GNB5: variants seen among roughly 807,000 people sequenced by gnomAD.
The protein encoded by GNB5 is G protein subunit beta 5.
A neutral mutation model predicts 55.3 loss-of-function variants in GNB5; 37 were observed. The ratio of observed to expected loss-of-function variants is 0.67; its 90% CI spans 0.51 to 0.88. GNB5 has a LOEUF of 0.88. GNB5 is among the 40% of genes least tolerant of loss of function. The pLI is 0.00. For synonymous variants in GNB5, 219 were observed against 198.5 expected, an observed-to-expected ratio of 1.10 and a Z score of -0.87; for missense variants, 476 against 515.3, an observed-to-expected ratio of 0.92 and a Z score of 0.74.
At chr15:52,137,536 C>G (rs754059708) in intron 7 of GNB5, 32 of 1,022,030 alleles carry the variant, frequency 3.1e-5, no homozygotes, top group Non-Finnish European at 3.6e-5. Flanking sequence ...TTAGGAAACT[C>G]TGGCAGAGGC....
intron 3 of GNB5, among the ~76,000 whole-genome samples, chr15:52,175,572 C>T (rs1490844798): frequency 1.3e-5 from 2 of 151,770 alleles, no homozygotes; most frequent in South Asian, 2.1e-4. Flanking sequence ...AACCCGGTCT[C>T]CACTAAAAAT....
chr15:52,131,853 C>T (rs777621912), intron 9 of GNB5, among the ~76,000 whole-genome samples: 4 of 152,230 alleles, frequency 2.6e-5, no homozygotes, highest in African/African-American at 4.8e-5. Flanking sequence ...ACAGTACCAT[C>T]TTTCATACGT....
chr15:52,143,182 A>G lies in GNB5; in HGVS notation c.495-1910T>C, dbSNP rs116240635. Among the ~76,000 whole-genome samples, 1,222 of 151,394 alleles carry G rather than the reference A, an allele frequency of 8.1e-3. 13 individuals are homozygous for G. Among genetic ancestry groups the G allele is most frequent in the African/African-American group, 0.028 (1,164 of 41,354 alleles). Reference sequence around the variant, plus strand: ...AAAAAAAGAGAAAAAAAAAAAACAGAATGTGTAGAGAATGATTTGCACTTA... The same window carrying G: ...AAAAAAAGAGAAAAAAAAAAAACAGGATGTGTAGAGAATGATTTGCACTTA... On this transcript the variant is annotated intron_variant, in intron 6 of 12. Transcript: ENST00000261837.
intron 3 of GNB5, among the ~76,000 whole-genome samples, chr15:52,157,185 C>G (rs2141218380): frequency 6.6e-6 from 1 of 151,740 alleles, no homozygotes; most frequent in Non-Finnish European, 1.5e-5. Flanking sequence ...ATCCGCCAGC[C>G]TCGGCCTCCC....
chr15:52,122,877 T>A, intron 12 of GNB5, 109 bp from the exon 13 acceptor site: 2 of 799,736 alleles, frequency 2.5e-6, no homozygotes, highest in Non-Finnish European at 4.4e-6. Context: ...TGGGCATACA[T>A]ATATGTGTGT....
rs183623126 is a variant in GNB5, at chr15:52,157,082, C to A, written c.239-3006G>T. 6.0e-3 allele frequency among the ~76,000 whole-genome samples: 902 copies of A among 149,934 alleles called. 10 individuals are homozygous for A. The highest frequency in any genetic ancestry group is 0.021 in the African/African-American group (863 of 40,704). On this transcript the variant is annotated intron_variant, in intron 3 of 12. Transcript: ENST00000261837. ...TCCCAAGTAGCTAGGACTACAGGCG[C>A]CCGCCACCACTCCTGGCTAATTTTT...
intron 3 of GNB5, among the ~76,000 whole-genome samples, chr15:52,154,749 T>C (rs922197013): frequency 1.3e-5 from 2 of 152,234 alleles, no homozygotes; most frequent in African/African-American, 4.8e-5. Flanking sequence ...CCAAGCAAGC[T>C]GTCTGCAAAC....
At chr15:52,169,135 C>A (rs1266625508) in intron 3 of GNB5, among the ~76,000 whole-genome samples, 1 of 152,108 alleles carries the variant, frequency 6.6e-6, no homozygotes, top group Non-Finnish European at 1.5e-5. Context: ...ACCAGCCTGG[C>A]CAACATGGTG....
At chr15:52,174,756 G>A (rs1425299592) in intron 3 of GNB5, among the ~76,000 whole-genome samples, 1 of 152,086 alleles carries the variant, frequency 6.6e-6, no homozygotes, top group Non-Finnish European at 1.5e-5. Context: ...AGGGCCGCAG[G>A]GTCTCCTGGG....
At chr15:52,167,581 G>C (rs967352604) in intron 3 of GNB5, among the ~76,000 whole-genome samples, 18 of 151,934 alleles carry the variant, frequency 1.2e-4, no homozygotes, top group African/African-American at 4.4e-4. Flanking sequence ...TGAGGCAGGA[G>C]AATCGCCTGA....
At chr15:52,182,232 CAT>C (rs1476722773) in intron 2 of GNB5, among the ~76,000 whole-genome samples, 2 of 152,198 alleles carry the variant, frequency 1.3e-5, no homozygotes, top group Non-Finnish European at 2.9e-5. Context: ...GAGCAGTTCA[CAT>C]GAGGTAATTT....
intron 9 of GNB5, among the ~76,000 whole-genome samples, chr15:52,130,250 C>A (rs1321452156): frequency 6.6e-6 from 1 of 152,152 alleles, no homozygotes; most frequent in African/African-American, 2.4e-5. Context: ...AGTGTATAAC[C>A]AAGGGCATGC....
At chr15:52,147,361 C>T (rs1200384059) in intron 6 of GNB5, 98 bp downstream of exon 6, 1 of 787,818 alleles carries the variant, frequency 1.3e-6, no homozygotes, top group Non-Finnish European at 2.3e-6. Context: ...AACAATTAAA[C>T]AACAAAAACT....
chr15:52,131,780 CTAAGTA>C (rs1421812609), intron 9 of GNB5, among the ~76,000 whole-genome samples: 1 of 152,150 alleles, frequency 6.6e-6, no homozygotes, highest in African/African-American at 2.4e-5. Context: ...TGTTTTCCCA[CTAAGTA>C]TAATGAAGAT....
In GNB5 at chr15:52,185,755, TA is replaced by T. The variant is rs1208511724; in HGVS notation, c.-18-1062del. 5.1e-3 allele frequency among the ~76,000 whole-genome samples: 491 copies of T among 95,960 alleles called. 3 individuals carry two copies. The highest frequency in any genetic ancestry group is 0.027 in the African/African-American group (459 of 17,044). 63.0% of individuals were successfully genotyped at this position (95,960 alleles called of 152,430 possible). A position where few individuals can be genotyped will look rare whatever the true frequency, so the allele number is the denominator to read the frequency against. ...ACTTTGAGCTGTGTATTCATCTTTT[TA>T]TTATTATTATTATTATTATTATTAT... On this transcript the variant is annotated intron_variant, in intron 1 of 12. Coordinates refer to ENST00000261837, the MANE Select transcript of GNB5 (RefSeq NM_016194.4).
intron 3 of GNB5, among the ~76,000 whole-genome samples, chr15:52,160,271 A>C (rs2034303220): frequency 6.6e-6 from 1 of 152,180 alleles, no homozygotes; most frequent in Non-Finnish European, 1.5e-5. Context: ...CTTAATGTCT[A>C]CTTTAGTCGC....
Position 52,117,102 on chromosome 15 carries a change from A to ATATATATATATATATATATATATATTT in GNB5, c.*5654_*5655insAAATATATATATATATATATATATATA. On this transcript the variant is annotated 3_prime_UTR_variant, in exon 13 of 13. Transcript: ENST00000261837. ...CCACGCCCAGCTAATATATATATAT[A>ATATATATATATATATATATATATATTT]TTTTTTTTTAGTACAGACAGGGTTT... 1.1e-5 allele frequency: 1 copy of ATATATATATATATATATATATATATTT among 87,100 alleles called. No individual in the cohort carries two copies. The highest frequency in any genetic ancestry group is 1.2e-4 in the Admixed American group (1 of 8,100). 5.4% of individuals were successfully genotyped at this position (87,100 alleles called of 1,614,324 possible). A position where few individuals can be genotyped will look rare whatever the true frequency, so the allele number is the denominator to read the frequency against.
At chr15:52,127,166 C>T (rs979376280) in intron 10 of GNB5, among the ~76,000 whole-genome samples, 2 of 152,218 alleles carry the variant, frequency 1.3e-5, no homozygotes, top group African/African-American at 4.8e-5. Flanking sequence ...TGCCAACTAT[C>T]CTGACCCCAG....
At chr15:52,159,745 G>C (rs1319040532) in intron 3 of GNB5, among the ~76,000 whole-genome samples, 1 of 152,152 alleles carries the variant, frequency 6.6e-6, no homozygotes, top group Non-Finnish European at 1.5e-5. Context: ...TCACAGTCTG[G>C]AGGGGGCAGA....
Sources: allele counts gnomAD v4.1 joint callset (sites outside exome capture counted in the v4.1 genomes callset), GRCh38; gene constraint gnomAD v4.1.1; transcripts MANE v1.5; gene names NCBI Gene and HGNC (gene_info 2026-07-23, HGNC 2026-07-21).